The following PBRM1 variants were observed in gnomAD, a reference collection of about 807,000 sequenced individuals.
The protein encoded by PBRM1 is polybromo 1, also known as protein polybromo-1.
A neutral mutation model predicts 194.5 loss-of-function variants in PBRM1; 27 were observed. The observed-to-expected ratio is 0.14, with a 90% CI of 0.10 to 0.19. The LOEUF (loss-of-function observed/expected upper bound fraction) is 0.19, where lower values mean the gene tolerates loss of function less well. Ranked by LOEUF, PBRM1 falls within the 10% of genes least tolerant of loss-of-function variation. The pLI is 1.00. For synonymous variants in PBRM1, 655 were observed against 693.2 expected, an observed-to-expected ratio of 0.94 and a Z score of 0.87; for missense variants, 1,466 against 2,077.2, an observed-to-expected ratio of 0.71 and a Z score of 5.72.
At chr3:52,621,147 A>G (rs1043055538) in intron 13 of PBRM1, among the ~76,000 whole-genome samples, 1 of 152,140 alleles carries the variant, frequency 6.6e-6, no homozygotes, top group Non-Finnish European at 1.5e-5. Flanking sequence ...TATAACCAAA[A>G]CATAACCATG....
chr3:52,638,104 T>C (rs1462824821), intron 10 of PBRM1, among the ~76,000 whole-genome samples: 1 of 152,218 alleles, frequency 6.6e-6, no homozygotes, highest in Non-Finnish European at 1.5e-5. Flanking sequence ...TTTGTTACTG[T>C]GGTAAAGATT....
At chr3:52,684,983 A>G (rs1489687319) in intron 1 of PBRM1, 3 of 152,344 alleles carry the variant, frequency 2.0e-5, no homozygotes, top group Non-Finnish European at 4.4e-5. Flanking sequence ...CTTTTTGGGG[A>G]AAAGCACATA....
chr3:52,576,755 T>A, intron 21 of PBRM1, 57 bp from the exon 24 acceptor site: 1 of 1,396,998 alleles, frequency 7.2e-7, no homozygotes, highest in African/African-American at 1.5e-5. Flanking sequence ...GAAGGATTAA[T>A]CTAACAAAAA....
exon 24 of PBRM1, chr3:52,563,370 ATCT>A (rs2084185569): frequency 1.2e-6 from 2 of 1,613,968 alleles, no homozygotes; most frequent in South Asian, 1.1e-5. Flanking sequence ...TGACCTCACT[ATCT>A]TCTTCTCCCA....
In PBRM1 at chr3:52,624,946, G is replaced by C. The variant is rs1157254506; in HGVS notation, c.1541+2327C>G. On this transcript the variant is annotated intron_variant, in intron 13 of 29. Coordinates refer to ENST00000296302, the Ensembl canonical transcript of PBRM1. Reference sequence around the variant, plus strand: ...ATCTCACTGTCATGAGTGTTCCTGGGAAAGCAGAAACAAACATTACATGTA... The same window carrying C: ...ATCTCACTGTCATGAGTGTTCCTGGCAAAGCAGAAACAAACATTACATGTA... 1 of 1,544,992 alleles carries C rather than the reference G, an allele frequency of 6.5e-7. No homozygotes were observed. Among genetic ancestry groups the C allele is most frequent in the South Asian group, 1.2e-5 (1 of 83,932 alleles).
intron 16 of PBRM1, among the ~76,000 whole-genome samples, chr3:52,606,929 G>A (rs1476177040): frequency 6.6e-6 from 1 of 152,166 alleles, no homozygotes; most frequent in Non-Finnish European, 1.5e-5. Flanking sequence ...TTTTTCTCTT[G>A]TTACGTCTCA....
intron 5 of PBRM1, among the ~76,000 whole-genome samples, chr3:52,653,388 G>A (rs192076686): frequency 2.6e-5 from 4 of 151,856 alleles, no homozygotes; most frequent in Non-Finnish European, 5.9e-5. Flanking sequence ...TCAGGAGTTC[G>A]AGACTAGCCT....
chr3:52,605,761 C>A (rs2094312157), intron 16 of PBRM1, among the ~76,000 whole-genome samples: 1 of 151,928 alleles, frequency 6.6e-6, no homozygotes, highest in African/African-American at 2.4e-5. Flanking sequence ...TACCACCATG[C>A]CTGGCTAATT....
chr3:52,652,875 G>A (rs2096533399), intron 5 of PBRM1, among the ~76,000 whole-genome samples: 1 of 151,208 alleles, frequency 6.6e-6, no homozygotes, highest in South Asian at 2.1e-4. Flanking sequence ...GTGTGCGCCT[G>A]TAATCCCAGC....
chr3:52,562,054 G>T, intron 24 of PBRM1, 86 bp from the exon 27 acceptor site: 1 of 983,518 alleles, frequency 1.0e-6, no homozygotes, highest in Non-Finnish European at 1.6e-6. Context: ...GGGCGCGGTG[G>T]CTCACACCTG....
Position 52,641,942 on chromosome 3 carries a change from C to T in PBRM1, c.1087+12G>A, listed in dbSNP as rs745813832. 15 of 1,526,956 alleles carry T rather than the reference C, an allele frequency of 9.8e-6. 1 individual carries two copies. In the South Asian group the frequency reaches 1.2e-4, roughly 13 times the overall value. 94.6% of individuals were successfully genotyped at this position (1,526,956 alleles called of 1,614,324 possible). On this transcript the variant is annotated intron_variant, in intron 10 of 29. Transcript: ENST00000296302. ...TAAGAAGGCATTTCGCTAGTCAAAA[C>T]CTAATGCCTACCAGCTAAAGCAGCA...
At chr3:52,664,717 G>C (rs1372448558) in intron 3 of PBRM1, among the ~76,000 whole-genome samples, 1 of 149,688 alleles carries the variant, frequency 6.7e-6, no homozygotes, top group Non-Finnish European at 1.5e-5. Context: ...CTGGGCATCA[G>C]AGCCAGACTC....
intron 2 of PBRM1, among the ~76,000 whole-genome samples, chr3:52,669,156 G>T (rs2096899411): frequency 6.6e-6 from 1 of 152,018 alleles, no homozygotes; most frequent in African/African-American, 2.4e-5. Flanking sequence ...AAATTACAAG[G>T]GAGGAAGATG....
chr3:52,607,210 A>G (rs1467162805), intron 16 of PBRM1, among the ~76,000 whole-genome samples: 1 of 152,204 alleles, frequency 6.6e-6, no homozygotes, highest in Non-Finnish European at 1.5e-5. Context: ...ATTCTTAATA[A>G]GTACTATAAG....
In PBRM1 at chr3:52,609,547, A is replaced by G. The variant is rs757814394; in HGVS notation, c.2333T>C (p.Ile778Thr). ...AAAAAGATTGTGGATAAGCTCTTGA[A>G]TCAGCAAAGTCACATTTGGGACATG... Residue 778 changes from isoleucine (I) to threonine (T), a missense_variant, in exon 16 of 30, where the codon ATT becomes ACT. Physicochemically the swap from Ile to Thr is moderately conservative, Grantham distance 89 (BLOSUM62 -1). Transcript: ENST00000296302. The surrounding 1 kb of genome is among the most constrained non-coding windows in gnomAD (Gnocchi z 4.1). 4 of 1,614,036 alleles carry G rather than the reference A, an allele frequency of 2.5e-6. No individual in the cohort carries two copies. The East Asian group carries it at 8.9e-5, about 36-fold the overall frequency.
At chr3:52,643,261 T>C in exon 9 of PBRM1, 3 of 1,611,388 alleles carry the variant, frequency 1.9e-6, no homozygotes, top group Non-Finnish European at 1.7e-6. Context: ...TAATACTTGC[T>C]AGTGGGATTT....
At chr3:52,549,792 C>G (rs1166568978) in intron 29 of PBRM1, among the ~76,000 whole-genome samples, 1 of 151,878 alleles carries the variant, frequency 6.6e-6, no homozygotes, top group Non-Finnish European at 1.5e-5. Flanking sequence ...GTAATTCCAG[C>G]TGCTCAGGAG....
At chr3:52,572,251 C>T (rs1166219369) in intron 22 of PBRM1, among the ~76,000 whole-genome samples, 1 of 151,660 alleles carries the variant, frequency 6.6e-6, no homozygotes, top group Non-Finnish European at 1.5e-5. Context: ...GTGAAGGGAA[C>T]AAAACCTGCA....
intron 4 of PBRM1, among the ~76,000 whole-genome samples, chr3:52,659,621 C>T (rs1219777412): frequency 6.6e-6 from 1 of 152,176 alleles, no homozygotes; most frequent in African/African-American, 2.4e-5. Flanking sequence ...GGGCGTCTCA[C>T]TACATTGCCC....
Sources: allele counts gnomAD v4.1 joint callset (sites outside exome capture counted in the v4.1 genomes callset), GRCh38; gene constraint gnomAD v4.1.1; non-coding constraint Gnocchi (gnomAD v3.1); transcripts MANE v1.5; gene names NCBI Gene and HGNC (gene_info 2026-07-23, HGNC 2026-07-21).